Variants in MGA observed in about 807,000 individuals in gnomAD.
The protein encoded by MGA is MAX gene-associated protein.
Under a neutral mutation model 261.1 loss-of-function variants are expected in MGA, and 40 were observed. The ratio of observed to expected loss-of-function variants is 0.15; its 90% CI spans 0.12 to 0.20. The LOEUF is 0.20. MGA is among the 10% of genes least tolerant of loss of function. MGA has a pLI of 1.00. For synonymous variants in MGA, 1,302 were observed against 1,290.6 expected (o/e 1.01, Z -0.19); for missense variants, 3,397 against 3,630.5 (o/e 0.94, Z 1.65).
chr15:41,671,383 G>A (rs566520946), intron 2 of MGA, among the ~76,000 whole-genome samples: 1 of 152,024 alleles, frequency 6.6e-6, no homozygotes, highest in South Asian at 2.1e-4. Context: ...GAGTGCAGTG[G>A]TGTCATCTCG....
intron 1 of MGA, among the ~76,000 whole-genome samples, chr15:41,628,565 C>A (rs2056514512): frequency 6.6e-6 from 1 of 151,798 alleles, no homozygotes; most frequent in African/African-American, 2.4e-5. Context: ...AATAGTAATG[C>A]AAAGACTTTG....
chr15:41,622,746 G>T (rs1223082893), intron 1 of MGA, among the ~76,000 whole-genome samples: 1 of 152,062 alleles, frequency 6.6e-6, no homozygotes, highest in Non-Finnish European at 1.5e-5. Flanking sequence ...TAGAGACCTG[G>T]TACCCACCAG....
chr15:41,727,248 G>A lies in MGA; in HGVS notation c.3499G>A (p.Val1167Ile). 1.9e-6 allele frequency: 3 copies of A among 1,613,974 alleles called. No individual in the cohort carries two copies. The highest frequency in any genetic ancestry group is 2.5e-6 in the Non-Finnish European group (3 of 1,179,892). The change falls in exon 10 of 24, where the codon GTA (valine) becomes ATA (isoleucine). Residue 1167 changes from valine to isoleucine, a missense_variant. By Grantham distance (29) the Val-to-Ile change is conservative. Around this residue, in one of 9 missense-constraint regions of MGA, gnomAD observed 519 missense variants for 554.1 expected, o/e 0.94. Coordinates refer to ENST00000219905, the MANE Select transcript of MGA (RefSeq NM_001164273.2). Reference sequence around the variant, plus strand: ...ATTATGGGTAAAAGTAGAAGGTGAAGTAGATCCAGAACCAGTTTATATCCC... The same window carrying A: ...ATTATGGGTAAAAGTAGAAGGTGAAATAGATCCAGAACCAGTTTATATCCC...
chr15:41,749,744 A>G lies in MGA; in HGVS notation c.6137A>G (p.Lys2046Arg), dbSNP rs747951079. Residue 2046 changes from lysine (K) to arginine (R), a missense_variant, in exon 17 of 24, where the codon AAA becomes AGA. Lys to Arg is a conservative substitution (Grantham distance 26). Coordinates refer to ENST00000219905, the MANE Select transcript of MGA (RefSeq NM_001164273.2). ...CCAGAAGAAGGTTGTGCAACTGTCA[A>G]ACCATCTGAGCATTCCTGTATCACT... 3 of 1,613,898 alleles carry G rather than the reference A, an allele frequency of 1.9e-6. No individual in the cohort carries two copies. The African/African-American group carries it at 4.0e-5, about 22-fold the overall frequency.
intron 23 of MGA, among the ~76,000 whole-genome samples, 171 bp downstream of exon 23, chr15:41,765,233 T>C (rs576745627): frequency 6.6e-6 from 1 of 152,352 alleles, no homozygotes; most frequent in Admixed American, 6.5e-5. Flanking sequence ...TGAGCTGTGG[T>C]ACTGTTTGGT....
At chr15:41,745,219 T>A (rs988646078) in intron 15 of MGA, among the ~76,000 whole-genome samples, 5 of 128,192 alleles carry the variant, frequency 3.9e-5, no homozygotes, top group African/African-American at 1.5e-4. Context: ...TGACCTTCCC[T>A]CCACTATTGT....
rs78230250 is a variant in MGA at position 41,651,827 on chromosome 15, C to G, written c.-67-17001C>G. 5.1e-3 allele frequency among the ~76,000 whole-genome samples: 255 copies of G among 50,480 alleles called. 15 individuals carry two copies. The highest frequency in any genetic ancestry group is 0.022 in the African/African-American group (243 of 11,220). The allele number at this position is 50,480 out of a possible 152,430, so 33.1% of individuals were successfully genotyped here. A position where few individuals can be genotyped will look rare whatever the true frequency, so the allele number is the denominator to read the frequency against. On this transcript the variant is annotated intron_variant, in intron 1 of 8. Coordinates refer to the MGA transcript ENST00000566718. ...CCCCTCTTCCTTTCCCTTCTCCTCT[C>G]CCCTCCCCCTCTCCTCTCCCCTCTT...
rs767464054 is a variant in MGA, at chr15:41,696,349, C to G, written c.1339C>G (p.Pro447Ala). 1 of 1,613,920 alleles carries G rather than the reference C, an allele frequency of 6.2e-7. No homozygotes were observed. ...TGACCATCTATCTTCTAAATGGCTT[C>G]CAAGCAGCCCATCAGGTGTTGCTAA... Residue 447 changes from proline to alanine, a missense_variant, in exon 3 of 24, where the codon CCA becomes GCA. By Grantham distance (27) the Pro-to-Ala change is conservative (BLOSUM62 -1). Coordinates refer to ENST00000219905, the MANE Select transcript of MGA (RefSeq NM_001164273.2).
chr15:41,673,543 T>C, intron 2 of MGA, among the ~76,000 whole-genome samples: 1 of 123,618 alleles, frequency 8.1e-6, no homozygotes, highest in East Asian at 2.0e-4. Context: ...TTTCTTTCTT[T>C]TTTTTTTTTT....
chr15:41,622,543 T>TTCGAAAAATATTGTCTA (rs1479369721), intron 1 of MGA, among the ~76,000 whole-genome samples: 30 of 152,282 alleles, frequency 2.0e-4, no homozygotes, highest in Middle Eastern at 6.8e-3. Context: ...CACGACCTCA[T>TTCGAAAAATATTGTCTA]TCGAAAAATA....
chr15:41,677,794 T>C (rs1390495650), intron 2 of MGA, among the ~76,000 whole-genome samples: 1 of 152,226 alleles, frequency 6.6e-6, no homozygotes, highest in Admixed American at 6.5e-5. Flanking sequence ...TATTTTGTTA[T>C]TGAGATGCAG....
At chr15:41,640,150 G>A (rs1026190104) in intron 1 of MGA, among the ~76,000 whole-genome samples, 4 of 152,164 alleles carry the variant, frequency 2.6e-5, no homozygotes, top group Non-Finnish European at 4.4e-5. Context: ...AATGATGCTG[G>A]TGAATTTATG....
chr15:41,669,200 A>G lies in MGA; in HGVS notation c.306A>G (p.Arg102=). The stretch of plus-strand genomic sequence containing the variant: ...AGATGATTCTGACCAAGCAAGGAAG[A>G]CGCATGTTTCCTTACTGTCGTTATT... Residue 102 remains arginine (R), a synonymous_variant, in exon 2 of 24, where the codon AGA becomes AGG. Transcript: ENST00000219905. The G allele has an allele frequency of 6.2e-7, 1 of 1,613,988 alleles. No individual in the cohort carries two copies. The highest frequency in any genetic ancestry group is 8.5e-7 in the Non-Finnish European group (1 of 1,179,874).
chr15:41,759,135 G>T (rs1386754526), intron 19 of MGA, among the ~76,000 whole-genome samples: 1 of 152,086 alleles, frequency 6.6e-6, no homozygotes, highest in African/African-American at 2.4e-5. Context: ...GATGAAATAA[G>T]AAATTAAGGT....
chr15:41,627,109 A>G (rs1425668376), intron 1 of MGA, among the ~76,000 whole-genome samples: 1 of 152,022 alleles, frequency 6.6e-6, no homozygotes, highest in Non-Finnish European at 1.5e-5. Context: ...GAGTTTCATC[A>G]TGTTTCCCAG....
In MGA at chr15:41,668,970, G is replaced by C; in HGVS notation, c.76G>C (p.Val26Leu). ...GGCAGGAGCAGCACCTACCTTCTTTGTCATCTTAAAGCAGCCAGGAAATGG... is the reference window on the plus strand; with the variant it reads ...GGCAGGAGCAGCACCTACCTTCTTTCTCATCTTAAAGCAGCCAGGAAATGG... Residue 26 changes from valine (V) to leucine (L), a missense_variant, in exon 2 of 24, where the codon GTC (valine) becomes CTC (leucine). Val to Leu is a conservative substitution (Grantham distance 32). Coordinates refer to ENST00000219905, the MANE Select transcript of MGA (RefSeq NM_001164273.2). The C allele has an allele frequency of 6.2e-7, 1 of 1,611,862 alleles. No individual in the cohort carries two copies. The highest frequency in any genetic ancestry group is 8.5e-7 in the Non-Finnish European group (1 of 1,178,470).
chr15:41,657,584 G>A (rs2057232811), upstream of MGA, among the ~76,000 whole-genome samples: 1 of 151,292 alleles, frequency 6.6e-6, no homozygotes, highest in Admixed American at 6.6e-5. Flanking sequence ...TTGAACCCCT[G>A]ACCTTAGGCA....
Position 41,750,342 on chromosome 15 carries a change from T to C in MGA, c.6735T>C (p.Ser2245=). Residue 2245 remains serine, a synonymous_variant, in exon 17 of 24, where the codon AGT becomes AGC. Transcript: ENST00000219905. ...TGAAAACTGAATGTGATTCTTGGAG[T>C]AGGATTTCTAATCCTTCAGCCTTCT... The C allele has an allele frequency of 1.2e-6, 2 of 1,613,966 alleles. No homozygotes were observed. The highest frequency in any genetic ancestry group is 1.7e-5 in the Admixed American group (1 of 60,022).
At chr15:41,679,455 C>T (rs766633870) in intron 2 of MGA, among the ~76,000 whole-genome samples, 2 of 152,014 alleles carry the variant, frequency 1.3e-5, no homozygotes, top group African/African-American at 4.8e-5. Flanking sequence ...GGATATCTTT[C>T]CATTTTAATT....
Sources: allele counts gnomAD v4.1 joint callset (sites outside exome capture counted in the v4.1 genomes callset), GRCh38; gene constraint gnomAD v4.1.1; regional missense constraint gnomAD v4.1.1; transcripts MANE v1.5; gene names NCBI Gene and HGNC (gene_info 2026-07-23, HGNC 2026-07-21).